Variants in CUEDC1 observed in about 807,000 individuals in gnomAD.
CUEDC1 encodes the protein CUE domain-containing protein 1.
Under a neutral mutation model 43.7 loss-of-function variants are expected in CUEDC1, and 30 were observed. The observed-to-expected ratio is 0.69, with a 90% CI of 0.51 to 0.93. CUEDC1 has a LOEUF of 0.93. Among genes scored for constraint, CUEDC1 ranks in the 40% least tolerant of loss-of-function variants. The pLI, the probability that CUEDC1 is intolerant of heterozygous loss-of-function variation, is 0.00. For synonymous variants in CUEDC1, 223 were observed against 223.6 expected (o/e 1.00, Z 0.02); for missense variants, 486 against 549.0 (o/e 0.89, Z 1.15).
intron 1 of CUEDC1, among the ~76,000 whole-genome samples, chr17:57,894,944 C>A (rs1434861433): frequency 2.0e-5 from 3 of 152,192 alleles, no homozygotes; most frequent in African/African-American, 7.2e-5. Context: ...CCAATTCTGC[C>A]TTCTAGTGAA....
At chr17:57,868,902 C>T (rs1397708474) in intron 7 of CUEDC1, among the ~76,000 whole-genome samples, 1 of 152,218 alleles carries the variant, frequency 6.6e-6, no homozygotes, top group Non-Finnish European at 1.5e-5. Flanking sequence ...TTTCTGCAGA[C>T]ATCTGGCTCA....
chr17:57,937,086 T>A (rs2074869725), intron 1 of CUEDC1, among the ~76,000 whole-genome samples: 1 of 152,022 alleles, frequency 6.6e-6, no homozygotes, highest in South Asian at 2.1e-4. Flanking sequence ...CCCAAAGTGC[T>A]GGGATTACAG....
At chr17:57,923,737 G>A (rs2074718711) in intron 1 of CUEDC1, among the ~76,000 whole-genome samples, 1 of 152,172 alleles carries the variant, frequency 6.6e-6, no homozygotes, top group Non-Finnish European at 1.5e-5. Flanking sequence ...GGCCCTTCTG[G>A]CTTTGAGGTT....
intron 1 of CUEDC1, among the ~76,000 whole-genome samples, chr17:57,889,908 G>A (rs1261215655): frequency 6.6e-6 from 1 of 152,194 alleles, no homozygotes; most frequent in Non-Finnish European, 1.5e-5. Flanking sequence ...GGTGTGCCTG[G>A]GAGCAGGGTC....
chr17:57,931,660 C>T (rs1342648334), intron 1 of CUEDC1, among the ~76,000 whole-genome samples: 3 of 152,130 alleles, frequency 2.0e-5, no homozygotes, highest in Non-Finnish European at 4.4e-5. Flanking sequence ...GCTGACAGAT[C>T]TCCTTCTCTT....
intron 3 of CUEDC1, among the ~76,000 whole-genome samples, chr17:57,875,379 G>A (rs1204903648): frequency 3.3e-5 from 5 of 152,192 alleles, no homozygotes; most frequent in Non-Finnish European, 7.4e-5. Context: ...ACAAGGTGGA[G>A]GAGGCCCCTG....
intron 1 of CUEDC1, among the ~76,000 whole-genome samples, chr17:57,942,824 C>T (rs1353480732): frequency 1.3e-5 from 2 of 151,726 alleles, no homozygotes; most frequent in Non-Finnish European, 2.9e-5. Context: ...GTCAGGAGAT[C>T]GAGATCATCC....
intron 7 of CUEDC1, 21 bp from the exon 8 acceptor site, chr17:57,868,264 G>A (rs1284770933): frequency 6.2e-7 from 1 of 1,607,138 alleles, no homozygotes; most frequent in East Asian, 2.2e-5. Context: ...AGAGACCTGT[G>A]AGTCATTCTC....
At chr17:57,918,207 A>T (rs1029711879) in intron 1 of CUEDC1, among the ~76,000 whole-genome samples, 7 of 152,244 alleles carry the variant, frequency 4.6e-5, no homozygotes, top group Non-Finnish European at 1.0e-4. Flanking sequence ...CAAAACCCTC[A>T]GGGAACCTGG....
At chr17:57,867,232 C>G in intron 9 of CUEDC1, 125 bp downstream of exon 9, 1 of 898,436 alleles carries the variant, frequency 1.1e-6, no homozygotes, top group Non-Finnish European at 1.8e-6. Flanking sequence ...GGGTCACCTG[C>G]CCACCAACCC....
chr17:57,953,431 G>A (rs537041931), intron 1 of CUEDC1, among the ~76,000 whole-genome samples: 2 of 152,282 alleles, frequency 1.3e-5, no homozygotes, highest in South Asian at 4.2e-4. Context: ...GCATAGGGAG[G>A]TCATGAGAAA....
rs868842717 is a variant in CUEDC1 at position 57,954,948 on chromosome 17, A to C, written c.-316+277T>G. 6.6e-6 allele frequency among the ~76,000 whole-genome samples: 1 copy of C among 151,616 alleles called. No individual in the cohort carries two copies. Among genetic ancestry groups the C allele is most frequent in the South Asian group, 2.1e-4 (1 of 4,822 alleles). ...GCGCGCCCCGCTCCCGGCCCCCCAG[A>C]TGCCCGCACGCCCCCCGCGCCCGGG... On this transcript the variant is annotated intron_variant, in intron 1 of 10. Coordinates refer to ENST00000577830, the MANE Select transcript of CUEDC1 (RefSeq NM_001271875.2). The surrounding 1 kb of genome is among the most constrained non-coding windows in gnomAD (Gnocchi z 4.3).
At chr17:57,865,030 C>T (rs978891092) in intron 10 of CUEDC1, among the ~76,000 whole-genome samples, 2 of 152,152 alleles carry the variant, frequency 1.3e-5, no homozygotes, top group African/African-American at 4.8e-5. Context: ...GCACTCCAGC[C>T]TGGGCAACAG....
In CUEDC1 at chr17:57,954,634, G is replaced by C. The variant is rs879642025; in HGVS notation, c.-316+591C>G. ...CCCAACTTTCCCTGGCCGAGCTGAC[G>C]GGAGATACAGCTCCCAGGGGACCGG... On this transcript the variant is annotated intron_variant, in intron 1 of 10. Transcript: ENST00000577830. This position sits in a 1 kb window ranked among gnomAD's most constrained non-coding sequence, Gnocchi z 4.3. Among the ~76,000 whole-genome samples, 6 of 151,174 alleles carry C rather than the reference G, an allele frequency of 4.0e-5. No homozygotes were observed. Among genetic ancestry groups the C allele is most frequent in the Non-Finnish European group, 8.8e-5 (6 of 68,014 alleles).
At chr17:57,898,455 T>A (rs930810513) in intron 1 of CUEDC1, among the ~76,000 whole-genome samples, 2 of 152,132 alleles carry the variant, frequency 1.3e-5, no homozygotes, top group Admixed American at 1.3e-4. Context: ...TGGGCAGTCC[T>A]CTGCTTACCT....
chr17:57,912,014 G>A (rs1036026711), intron 1 of CUEDC1, among the ~76,000 whole-genome samples: 13 of 152,318 alleles, frequency 8.5e-5, no homozygotes, highest in South Asian at 2.1e-4. Flanking sequence ...GTCAGGATGC[G>A]CAAGATAAAA....
intron 1 of CUEDC1, among the ~76,000 whole-genome samples, chr17:57,942,575 G>A (rs965078996): frequency 1.3e-4 from 19 of 151,880 alleles, no homozygotes; most frequent in African/African-American, 4.6e-4. Context: ...TGTTACTAGA[G>A]ATGGGCTTTC....
chr17:57,917,933 G>A (rs2074659824), intron 1 of CUEDC1, among the ~76,000 whole-genome samples: 1 of 152,206 alleles, frequency 6.6e-6, no homozygotes, highest in African/African-American at 2.4e-5. Flanking sequence ...GGGGTACATG[G>A]ACTGCTCTGT....
intron 1 of CUEDC1, among the ~76,000 whole-genome samples, chr17:57,904,285 C>T (rs558525944): frequency 1.3e-5 from 2 of 152,252 alleles, no homozygotes; most frequent in Non-Finnish European, 2.9e-5. Context: ...TCCTCACGGG[C>T]ACCCAGCAAC....
Sources: allele counts gnomAD v4.1 joint callset (sites outside exome capture counted in the v4.1 genomes callset), GRCh38; gene constraint gnomAD v4.1.1; non-coding constraint Gnocchi (gnomAD v3.1); transcripts MANE v1.5; gene names NCBI Gene and HGNC (gene_info 2026-07-23, HGNC 2026-07-21).